The following PTPRO variants were observed in gnomAD, a reference collection of about 807,000 sequenced individuals.
PTPRO encodes receptor-type tyrosine-protein phosphatase O.
A neutral mutation model predicts 145.2 loss-of-function variants in PTPRO; 62 were observed. The ratio of observed to expected loss-of-function variants is 0.43; its 90% CI spans 0.35 to 0.53. PTPRO has a LOEUF of 0.53. Among genes scored for constraint, PTPRO ranks in the 20% least tolerant of loss-of-function variants. PTPRO has a pLI of 0.01. For synonymous variants in PTPRO, 565 were observed against 514.7 expected, an observed-to-expected ratio of 1.10 and a Z score of -1.32; for missense variants, 1,345 against 1,482.7, an observed-to-expected ratio of 0.91 and a Z score of 1.53.
At chr12:15,445,266 G>T (rs990161662) in intron 1 of PTPRO, among the ~76,000 whole-genome samples, 8 of 151,924 alleles carry the variant, frequency 5.3e-5, no homozygotes, top group African/African-American at 1.9e-4. Flanking sequence ...TTGTACAGTG[G>T]TCATATATTT....
intron 12 of PTPRO, among the ~76,000 whole-genome samples, chr12:15,540,051 T>C (rs1028470789): frequency 3.9e-5 from 6 of 152,164 alleles, no homozygotes; most frequent in Admixed American, 3.9e-4. Flanking sequence ...TTCTGCTGTT[T>C]AATGTAAATA....
At chr12:15,405,100 CA>C (rs1939610090) in intron 1 of PTPRO, among the ~76,000 whole-genome samples, 1 of 152,176 alleles carries the variant, frequency 6.6e-6, no homozygotes, top group East Asian at 1.9e-4. Context: ...CTCCAAATAT[CA>C]TCACATGGGG....
At chr12:15,537,360 G>A (rs1943086180) in intron 12 of PTPRO, among the ~76,000 whole-genome samples, 1 of 152,168 alleles carries the variant, frequency 6.6e-6, no homozygotes, top group African/African-American at 2.4e-5. Context: ...TTTAAGACAT[G>A]GAGATGGTGA....
intron 1 of PTPRO, among the ~76,000 whole-genome samples, chr12:15,371,543 G>A (rs774596587): frequency 3.7e-4 from 56 of 151,956 alleles, no homozygotes; most frequent in Non-Finnish European, 5.3e-4. Context: ...AGCTCACATT[G>A]TTATTTTAAG....
Position 15,549,073 on chromosome 12 carries a change from C to T in PTPRO, c.2305-21C>T, listed in dbSNP as rs7132826. The stretch of plus-strand genomic sequence containing the variant: ...ATAGATGAAGTTAACCTAAAATTTA[C>T]CTTATTTTCTGAAACCCCAGGAACC... On this transcript the variant is annotated intron_variant, in intron 13 of 26. Coordinates refer to ENST00000281171, the MANE Select transcript of PTPRO (RefSeq NM_030667.3). 478,712 of 1,608,438 alleles carry T rather than the reference C, an allele frequency of 0.3. 72,591 individuals are homozygous for T. The highest frequency in any genetic ancestry group is 0.39 in the Middle Eastern group (2,367 of 6,048).
chr12:15,483,529 G>T (rs1941824291), intron 1 of PTPRO, among the ~76,000 whole-genome samples: 1 of 152,042 alleles, frequency 6.6e-6, no homozygotes, highest in African/African-American at 2.4e-5. Flanking sequence ...CGAAATAACT[G>T]CCTTGATATA....
At chr12:15,475,250 C>T (rs1278905784) in intron 1 of PTPRO, among the ~76,000 whole-genome samples, 1 of 152,168 alleles carries the variant, frequency 6.6e-6, no homozygotes, top group Non-Finnish European at 1.5e-5. Flanking sequence ...ATATTTGATG[C>T]TTATGAACTT....
chr12:15,508,516 T>TA (rs1942369916), intron 6 of PTPRO, 55 bp from the exon 7 acceptor site: 4 of 1,521,964 alleles, frequency 2.6e-6, no homozygotes, highest in Non-Finnish European at 3.6e-6. Flanking sequence ...CAGAATCTTT[T>TA]ATCTCAATCA....
intron 1 of PTPRO, among the ~76,000 whole-genome samples, chr12:15,325,636 T>C (rs1866425165): frequency 6.6e-6 from 1 of 152,242 alleles, no homozygotes; most frequent in Non-Finnish European, 1.5e-5. Context: ...GAGGTATTTA[T>C]CTGGCGAGCC....
intron 3 of PTPRO, among the ~76,000 whole-genome samples, chr12:15,498,408 T>G (rs1942151035): frequency 6.6e-6 from 1 of 151,890 alleles, no homozygotes; most frequent in Non-Finnish European, 1.5e-5. Context: ...ATACAAAAAA[T>G]CTAGCCGGGC....
chr12:15,328,327 C>T (rs1033854086), intron 1 of PTPRO, among the ~76,000 whole-genome samples: 1 of 152,078 alleles, frequency 6.6e-6, no homozygotes, highest in Admixed American at 6.6e-5. Flanking sequence ...GAAAAGCGTT[C>T]GCAAGTCTTT....
intron 7 of PTPRO, 99 bp downstream of exon 7, chr12:15,508,866 C>A: frequency 3.3e-6 from 4 of 1,221,466 alleles, no homozygotes. Flanking sequence ...AGGCTGAGGT[C>A]TGCTGGGATG....
chr12:15,455,251 T>C (rs958101069), intron 1 of PTPRO, among the ~76,000 whole-genome samples: 10 of 152,154 alleles, frequency 6.6e-5, no homozygotes, highest in African/African-American at 2.4e-4. Flanking sequence ...AGATCTCTGC[T>C]GAAAAGTAAT....
At chr12:15,420,018 G>A (rs1940093402) in intron 1 of PTPRO, among the ~76,000 whole-genome samples, 1 of 151,226 alleles carries the variant, frequency 6.6e-6, no homozygotes, top group South Asian at 2.1e-4. Flanking sequence ...GCGGTGGCGG[G>A]CGCCCATAGT....
At chr12:15,445,208 A>AT (rs1386083552) in intron 1 of PTPRO, among the ~76,000 whole-genome samples, 6 of 151,766 alleles carry the variant, frequency 4.0e-5, no homozygotes, top group Non-Finnish European at 5.9e-5. Flanking sequence ...ACTTATAAGG[A>AT]TTTTTTTTCC....
chr12:15,379,398 G>A (rs1276527025), intron 1 of PTPRO, among the ~76,000 whole-genome samples: 2 of 151,492 alleles, frequency 1.3e-5, no homozygotes, highest in Non-Finnish European at 2.9e-5. Context: ...GGGCATGGGG[G>A]CGCACACCTG....
intron 1 of PTPRO, among the ~76,000 whole-genome samples, chr12:15,460,418 G>C (rs1941275437): frequency 6.6e-6 from 1 of 152,062 alleles, no homozygotes; most frequent in Non-Finnish European, 1.5e-5. Flanking sequence ...TAATTTTCTA[G>C]TATGTTTGTG....
chr12:15,436,986 C>A (rs1050982014), intron 1 of PTPRO, among the ~76,000 whole-genome samples: 2 of 151,998 alleles, frequency 1.3e-5, no homozygotes, highest in African/African-American at 4.8e-5. Flanking sequence ...CCATCCTCCT[C>A]CCCTGAGATC....
chr12:15,379,577 T>A (rs893331744), intron 1 of PTPRO, among the ~76,000 whole-genome samples: 2 of 151,112 alleles, frequency 1.3e-5, no homozygotes, highest in Non-Finnish European at 1.5e-5. Flanking sequence ...CAAATATGAT[T>A]TGGTATATAT....
Sources: allele counts gnomAD v4.1 joint callset (sites outside exome capture counted in the v4.1 genomes callset), GRCh38; gene constraint gnomAD v4.1.1; transcripts MANE v1.5; gene names NCBI Gene and HGNC (gene_info 2026-07-23, HGNC 2026-07-21).